The following ARFGEF1 variants were observed in gnomAD, a reference collection of about 807,000 sequenced individuals.
ARFGEF1 encodes the protein brefeldin A-inhibited guanine nucleotide-exchange protein 1.
A neutral mutation model predicts 231.0 loss-of-function variants in ARFGEF1; 42 were observed. That is an observed-to-expected ratio of 0.18 (90% confidence interval 0.14 to 0.24). The LOEUF (loss-of-function observed/expected upper bound fraction) is 0.24. Among genes scored for constraint, ARFGEF1 ranks in the 10% least tolerant of loss-of-function variants. ARFGEF1 has a pLI of 1.00. For missense variants in ARFGEF1, 1,345 were observed against 2,192.0 expected (o/e 0.61, Z 7.72); for synonymous variants, 710 against 732.3 (o/e 0.97, Z 0.49).
At position 67,216,614 on chromosome 8, in the gene ARFGEF1, T is replaced by C. The variant is rs1384033540; in HGVS notation, c.4662A>G (p.Pro1554=). The C allele has an allele frequency of 9.3e-6, 15 of 1,605,692 alleles. No homozygotes were observed. Among genetic ancestry groups the C allele is most frequent in the Non-Finnish European group, 1.2e-5 (14 of 1,177,686 alleles). ...CCAATGGCTTTTCACTTACAGGAGA[T>C]GGAGGTGGGGGGGCAGTTTCTCCAG... ...PNSGETAPPP[P]SPVSEKPLDT... The change falls in exon 33 of 39, where the codon CCA becomes CCG. Residue 1554 remains proline, a synonymous_variant. Coordinates refer to ENST00000262215, the MANE Select transcript of ARFGEF1 (RefSeq NM_006421.5).
intron 7 of ARFGEF1, among the ~76,000 whole-genome samples, chr8:67,280,644 G>A (rs373031458): frequency 6.6e-6 from 1 of 152,172 alleles, no homozygotes; most frequent in East Asian, 1.9e-4. Context: ...GGTTTGTGTT[G>A]ACAACATGGT....
intron 5 of ARFGEF1, among the ~76,000 whole-genome samples, chr8:67,178,483 C>G (rs890361337): frequency 6.6e-6 from 1 of 152,140 alleles, no homozygotes; most frequent in Non-Finnish European, 1.5e-5. Context: ...AGGTTACATT[C>G]CAGAAGGAGG....
chr8:67,246,606 G>A (rs1467671482), intron 19 of ARFGEF1, among the ~76,000 whole-genome samples: 4 of 149,782 alleles, frequency 2.7e-5, no homozygotes, highest in Admixed American at 6.7e-5. Flanking sequence ...TATAGTGAAA[G>A]TAGTCCTAAG....
chr8:67,298,514 T>C (rs961464121), intron 4 of ARFGEF1, among the ~76,000 whole-genome samples: 1 of 152,110 alleles, frequency 6.6e-6, no homozygotes, highest in African/African-American at 2.4e-5. Context: ...GGACAAGCTA[T>C]GAAAGGTCCA....
intron 18 of ARFGEF1, among the ~76,000 whole-genome samples, chr8:67,252,723 C>A (rs1840336337): frequency 1.3e-5 from 2 of 152,076 alleles, no homozygotes; most frequent in African/African-American, 4.8e-5. Context: ...TAGAAGGGGG[C>A]TGGGTTCACA....
chr8:67,339,876 C>G (rs1483211657), intron 1 of ARFGEF1, among the ~76,000 whole-genome samples: 3 of 137,920 alleles, frequency 2.2e-5, no homozygotes, highest in Non-Finnish European at 4.6e-5. Flanking sequence ...AAACGTTTTA[C>G]ATTAACTCTG....
rs1426672004 is a variant in ARFGEF1 at position 67,251,501 on chromosome 8, C to A, written c.2699-51G>T. The A allele has an allele frequency of 2.7e-6, 4 of 1,462,808 alleles. No individual in the cohort carries two copies. In the South Asian group the frequency reaches 4.3e-5, roughly 16 times the overall value. The allele number at this position is 1,462,808 out of a possible 1,614,324, so 90.6% of individuals were successfully genotyped here. ...TTTAAATATAAAACATTTAAGAATTCTATTTTGATATTTTACTATCAAATA... is the reference window on the plus strand; with the variant it reads ...TTTAAATATAAAACATTTAAGAATTATATTTTGATATTTTACTATCAAATA... On this transcript the variant is annotated intron_variant, in intron 18 of 38. Transcript: ENST00000262215.
At chr8:67,240,850 T>C (rs1340828079) in intron 19 of ARFGEF1, among the ~76,000 whole-genome samples, 1 of 152,190 alleles carries the variant, frequency 6.6e-6, no homozygotes, top group Non-Finnish European at 1.5e-5. Context: ...CATTATACAC[T>C]GTGGAAGACA....
In ARFGEF1 at chr8:67,251,443, G is replaced by A. The variant is rs1840279633; in HGVS notation, c.2706C>T (p.Ala902=). The change falls in exon 19 of 39, where the codon GCC becomes GCT. Residue 902 remains alanine (A), a synonymous_variant. Transcript: ENST00000262215. ...ACAGAAGTCTTCTTTGTTTTTCACT[G>A]GCTACATCTGAAACAATAAACACTA... ...IPTKSSKQNV[A]SEKQRRLLYN... is the part of the protein sequence containing the mutation. 6.3e-7 allele frequency: 1 copy of A among 1,598,442 alleles called. No individual in the cohort carries two copies. The highest frequency in any genetic ancestry group is 2.3e-5 in the East Asian group (1 of 44,430).
intron 5 of ARFGEF1, among the ~76,000 whole-genome samples, chr8:67,295,272 C>T (rs904519336): frequency 9.2e-5 from 14 of 152,090 alleles, no homozygotes; most frequent in African/African-American, 3.4e-4. Flanking sequence ...TGAAGAGAAA[C>T]AGTATTTGCA....
intron 29 of ARFGEF1, among the ~76,000 whole-genome samples, chr8:67,220,448 A>T (rs1839108388): frequency 2.0e-5 from 3 of 152,222 alleles, no homozygotes; most frequent in African/African-American, 7.2e-5. Context: ...TGCTATCCCC[A>T]AACGTAGTAG....
intron 14 of ARFGEF1, among the ~76,000 whole-genome samples, chr8:67,261,245 A>G (rs1251756136): frequency 2.0e-5 from 3 of 152,250 alleles, no homozygotes; most frequent in Non-Finnish European, 4.4e-5. Context: ...TACTGGAAGA[A>G]GATGCCATCT....
At chr8:67,257,166 T>A (rs1840483944) in intron 17 of ARFGEF1, among the ~76,000 whole-genome samples, 1 of 151,984 alleles carries the variant, frequency 6.6e-6, no homozygotes, top group African/African-American at 2.4e-5. Context: ...GTATGACTTG[T>A]GCCTCCCAGG....
chr8:67,317,088 T>A (rs539380648), intron 1 of ARFGEF1, among the ~76,000 whole-genome samples: 4 of 152,328 alleles, frequency 2.6e-5, no homozygotes, highest in South Asian at 2.1e-4. Flanking sequence ...TCCTGGTTAG[T>A]GATACACATC....
At chr8:67,263,772 A>G (rs960938387) in intron 14 of ARFGEF1, among the ~76,000 whole-genome samples, 1 of 152,204 alleles carries the variant, frequency 6.6e-6, no homozygotes, top group African/African-American at 2.4e-5. Flanking sequence ...ACACAATTTT[A>G]AAGAATTATA....
At chr8:67,233,624 C>T (rs892515912) in intron 22 of ARFGEF1, among the ~76,000 whole-genome samples, 1 of 151,942 alleles carries the variant, frequency 6.6e-6, no homozygotes, top group African/African-American at 2.4e-5. Context: ...TAATCTCAGT[C>T]CTAGATTACT....
At chr8:67,244,882 A>G (rs1188581036) in intron 19 of ARFGEF1, among the ~76,000 whole-genome samples, 2 of 150,526 alleles carry the variant, frequency 1.3e-5, no homozygotes, top group African/African-American at 5.0e-5. Flanking sequence ...AAGGTTATAG[A>G]ACATCAAACA....
chr8:67,296,729 C>T (rs997331023), intron 4 of ARFGEF1, 119 bp from the exon 5 acceptor site: 1 of 723,796 alleles, frequency 1.4e-6, no homozygotes, highest in Non-Finnish European at 2.2e-6. Context: ...TAGTTCACTG[C>T]AGCCTTGAAC....
intron 30 of ARFGEF1, 70 bp from the exon 31 acceptor site, chr8:67,218,208 ATATATATAT>A (rs1403462490): frequency 1.1e-4 from 9 of 81,160 alleles, no homozygotes; most frequent in African/African-American, 3.7e-4. Flanking sequence ...AAAAAAAAAA[ATATATATAT>A]ATATATATAT....
Sources: gnomAD v4.1 joint callset for allele counts (sites outside exome capture counted in the v4.1 genomes callset) on GRCh38, gnomAD v4.1.1 for gene constraint, MANE v1.5 for transcripts, NCBI Gene and HGNC (gene_info 2026-07-23, HGNC 2026-07-21) for gene names.